The following PTPRQ variants were observed in gnomAD, a reference collection of about 807,000 sequenced individuals.
PTPRQ encodes protein tyrosine phosphatase receptor type Q, also known as phosphatidylinositol phosphatase PTPRQ.
In PTPRQ, 199 loss-of-function variants were observed where a neutral mutation model predicts 246.0. The ratio of observed to expected loss-of-function variants is 0.81; its 90% confidence interval spans 0.72 to 0.91. PTPRQ has a LOEUF of 0.91. Ranked by LOEUF, PTPRQ falls within the 40% of genes least tolerant of loss-of-function variation. The pLI, the probability that PTPRQ is intolerant of heterozygous loss-of-function variation, is 0.00. For missense variants in PTPRQ, 2,624 were observed against 2,528.4 expected (o/e 1.04, Z -0.81); for synonymous variants, 869 against 853.2 (o/e 1.02, Z -0.32).
chr12:80,679,086 C>T lies in PTPRQ; in HGVS notation c.*63C>T. On this transcript the variant is annotated 3_prime_UTR_variant, in exon 45 of 45. Coordinates refer to ENST00000644991, the MANE Select transcript of PTPRQ (RefSeq NM_001145026.2). ...AAATCCCAGGGGCCAAAGTTACCCCCTCATTCTTCCGAATTGAAATGTGCA... is the reference window on the plus strand; with the variant it reads ...AAATCCCAGGGGCCAAAGTTACCCCTTCATTCTTCCGAATTGAAATGTGCA... 6.6e-7 allele frequency: 1 copy of T among 1,519,482 alleles called. No individual in the cohort carries two copies. Among genetic ancestry groups the T allele is most frequent in the South Asian group, 1.3e-5 (1 of 78,122 alleles). 94.1% of individuals were successfully genotyped at this position (1,519,482 alleles called of 1,614,324 possible). A position where few individuals can be genotyped will look rare whatever the true frequency, so the allele number is the denominator to read the frequency against.
chr12:80,497,325 A>G (rs1165479156), intron 14 of PTPRQ, among the ~76,000 whole-genome samples: 1 of 151,952 alleles, frequency 6.6e-6, no homozygotes, highest in Non-Finnish European at 1.5e-5. Context: ...TAAGAAGCAC[A>G]CAACATAGAT....
At chr12:80,656,876 C>CAA (rs113862574) in intron 38 of PTPRQ, among the ~76,000 whole-genome samples, 7 of 113,596 alleles carry the variant, frequency 6.2e-5, no homozygotes, top group East Asian at 2.5e-4. Flanking sequence ...CCTCATTCCT[C>CAA]AAAAAAAAAA....
intron 38 of PTPRQ, among the ~76,000 whole-genome samples, chr12:80,654,418 T>G (rs1481774492): frequency 6.6e-6 from 1 of 152,212 alleles, no homozygotes; most frequent in Non-Finnish European, 1.5e-5. Context: ...GACATTCCCA[T>G]GTCTTTATAT....
intron 23 of PTPRQ, 23 bp from the exon 24 acceptor site, chr12:80,546,530 CTAA>C: frequency 6.5e-7 from 1 of 1,532,374 alleles, no homozygotes; most frequent in African/African-American, 1.4e-5. Context: ...AGTGCATTAA[CTAA>C]TAACTTTTTT....
intron 33 of PTPRQ, 104 bp from the exon 34 acceptor site, chr12:80,632,082 TCTTCAG>T: frequency 1.4e-6 from 2 of 1,385,448 alleles, no homozygotes; most frequent in South Asian, 3.1e-5. Flanking sequence ...TTACTAGTAT[TCTTCAG>T]CAAAGAATAT....
At chr12:80,536,065 C>T (rs1895979571) in intron 19 of PTPRQ, among the ~76,000 whole-genome samples, 1 of 152,184 alleles carries the variant, frequency 6.6e-6, no homozygotes, top group African/African-American at 2.4e-5. Flanking sequence ...TGAGATCCCG[C>T]CACTGCACTC....
chr12:80,580,517 C>T (rs148902594), intron 25 of PTPRQ, among the ~76,000 whole-genome samples: 1 of 152,214 alleles, frequency 6.6e-6, no homozygotes, highest in African/African-American at 2.4e-5. Flanking sequence ...TTCAATAGGG[C>T]AGTTGCCTTG....
intron 26 of PTPRQ, among the ~76,000 whole-genome samples, chr12:80,588,686 T>C (rs1897696911): frequency 6.6e-6 from 1 of 152,208 alleles, no homozygotes; most frequent in South Asian, 2.1e-4. Flanking sequence ...GCCAAGGTCC[T>C]AGAGTCTCAT....
intron 8 of PTPRQ, among the ~76,000 whole-genome samples, chr12:80,477,254 T>G (rs1278356842): frequency 6.6e-6 from 1 of 152,180 alleles, no homozygotes; most frequent in Non-Finnish European, 1.5e-5. Context: ...AACAATTTCA[T>G]GTAATAAATT....
intron 43 of PTPRQ, among the ~76,000 whole-genome samples, chr12:80,676,012 G>C (rs1336278426): frequency 6.6e-6 from 1 of 152,090 alleles, no homozygotes; most frequent in Admixed American, 6.5e-5. Flanking sequence ...TGTCCAGTGA[G>C]ATTTTTCTGA....
Position 80,649,672 on chromosome 12 carries a change from A to G in PTPRQ, c.6024+3A>G, listed in dbSNP as rs1312134413. The G allele has an allele frequency of 6.5e-7, 1 of 1,548,268 alleles. No individual in the cohort carries two copies. Among genetic ancestry groups the G allele is most frequent in the Admixed American group, 2.0e-5 (1 of 50,696 alleles). On this transcript the variant is annotated splice_donor_region_variant and intron_variant, in intron 37 of 44. Coordinates refer to ENST00000644991, the MANE Select transcript of PTPRQ (RefSeq NM_001145026.2). ...TAAAGTTTCAAGAAGAATTTTCGGTATGTTACTAGCAGTTGTCACAACATT... is the reference window on the plus strand; with the variant it reads ...TAAAGTTTCAAGAAGAATTTTCGGTGTGTTACTAGCAGTTGTCACAACATT...
chr12:80,485,154 C>T (rs866850268), intron 9 of PTPRQ, among the ~76,000 whole-genome samples: 3 of 151,920 alleles, frequency 2.0e-5, no homozygotes, highest in South Asian at 4.1e-4. Context: ...GGACCAGGAT[C>T]TTTAGGCAAT....
chr12:80,608,133 G>A (rs1898399017), intron 27 of PTPRQ, among the ~76,000 whole-genome samples: 1 of 150,662 alleles, frequency 6.6e-6, no homozygotes, highest in African/African-American at 2.4e-5. Flanking sequence ...AAGGGTGGAG[G>A]CGGGGTAGGA....
At chr12:80,665,942 T>A (rs1818452776) in intron 39 of PTPRQ, among the ~76,000 whole-genome samples, 1 of 151,766 alleles carries the variant, frequency 6.6e-6, no homozygotes, top group African/African-American at 2.4e-5. Flanking sequence ...GACAAAAAAA[T>A]AACAAATGCC....
intron 43 of PTPRQ, among the ~76,000 whole-genome samples, chr12:80,674,788 G>A (rs1164245529): frequency 6.6e-6 from 1 of 152,000 alleles, no homozygotes; most frequent in East Asian, 1.9e-4. Flanking sequence ...TTTTGATAGT[G>A]GTTTTAAGTA....
At chr12:80,508,048 A>T (rs1454213446) in intron 16 of PTPRQ, among the ~76,000 whole-genome samples, 1 of 151,984 alleles carries the variant, frequency 6.6e-6, no homozygotes, top group Non-Finnish European at 1.5e-5. Context: ...TTGAGCAGGC[A>T]GACGTTTTAC....
At chr12:80,558,643 C>T (rs1038058094) in intron 25 of PTPRQ, among the ~76,000 whole-genome samples, 3 of 152,072 alleles carry the variant, frequency 2.0e-5, no homozygotes, top group African/African-American at 7.2e-5. Context: ...AGGATATGCA[C>T]TGAGGAGCAC....
chr12:80,582,721 A>G (rs1387212519), intron 25 of PTPRQ, among the ~76,000 whole-genome samples: 2 of 152,148 alleles, frequency 1.3e-5, no homozygotes, highest in Non-Finnish European at 2.9e-5. Context: ...AGCCAAACTA[A>G]GACAGTCACT....
At chr12:80,448,189 T>G (rs1034401848) in intron 3 of PTPRQ, among the ~76,000 whole-genome samples, 7 of 152,246 alleles carry the variant, frequency 4.6e-5, no homozygotes, top group Non-Finnish European at 7.4e-5. Context: ...ATTCTCAGCC[T>G]GAATGTTATT....
Sources: gnomAD v4.1 joint callset for allele counts (sites outside exome capture counted in the v4.1 genomes callset) on GRCh38, gnomAD v4.1.1 for gene constraint, MANE v1.5 for transcripts, NCBI Gene and HGNC (gene_info 2026-07-23, HGNC 2026-07-21) for gene names.